Variants in DOP1A observed in about 807,000 individuals in gnomAD.
DOP1A encodes the protein DOP1 leucine zipper like protein A, also known as protein DOP1A.
In DOP1A, 90 loss-of-function variants were observed where a neutral mutation model predicts 267.6. The ratio of observed to expected loss-of-function variants is 0.34; its 90% confidence interval spans 0.28 to 0.40. DOP1A has a LOEUF of 0.40. DOP1A is among the 10% of genes least tolerant of loss of function. The pLI is 1.00. For synonymous variants in DOP1A, 932 were observed against 999.1 expected, an observed-to-expected ratio of 0.93 and a Z score of 1.27; for missense variants, 2,437 against 2,900.4, an observed-to-expected ratio of 0.84 and a Z score of 3.67.
rs2128372810 is a variant in DOP1A, at chr6:83,156,459, C to A, written c.6604+356C>A. Among the ~76,000 whole-genome samples the A allele has an allele frequency of 2.0e-5, 3 of 152,236 alleles. No individual in the cohort carries two copies. In the South Asian group the frequency reaches 6.2e-4, roughly 32 times the overall value. On this transcript the variant is annotated intron_variant, in intron 34 of 38. Coordinates refer to ENST00000349129, the MANE Select transcript of DOP1A (RefSeq NM_015018.4). ...GAGAAGACCAAAATATAAGGCAAAG[C>A]CAGGAAATTGTGGCTAGAAGTAACA...
At chr6:83,124,464 A>G (rs1562326007) in intron 12 of DOP1A, among the ~76,000 whole-genome samples, 1 of 152,178 alleles carries the variant, frequency 6.6e-6, no homozygotes, top group Non-Finnish European at 1.5e-5. Flanking sequence ...AGTGAGATCC[A>G]TTCAGAACAC....
chr6:83,166,950 T>C (rs1007006858), intron 38 of DOP1A: 17 of 986,532 alleles, frequency 1.7e-5, no homozygotes, highest in Non-Finnish European at 1.9e-5. Context: ...TTCTTTAGTG[T>C]GGAATTGTAT....
intron 14 of DOP1A, 32 bp downstream of exon 14, chr6:83,125,227 G>T (rs549864771): frequency 2.6e-6 from 4 of 1,547,592 alleles, no homozygotes; most frequent in East Asian, 2.3e-5. Context: ...GTTTTTAAAT[G>T]ATTCTATTTA....
intron 7 of DOP1A, among the ~76,000 whole-genome samples, chr6:83,115,275 C>T (rs1003320144): frequency 1.4e-4 from 21 of 152,078 alleles, no homozygotes; most frequent in Non-Finnish European, 2.4e-4. Context: ...TTTTAATGGA[C>T]ATGAATTGTA....
At chr6:83,143,464 G>A (rs556932932) in intron 24 of DOP1A, among the ~76,000 whole-genome samples, 18 of 152,118 alleles carry the variant, frequency 1.2e-4, no homozygotes, top group Non-Finnish European at 1.3e-4. Flanking sequence ...AGTCTCTAAT[G>A]TGATAGACAG....
At chr6:83,135,192 C>G (rs1427083603) in intron 19 of DOP1A, among the ~76,000 whole-genome samples, 2 of 152,050 alleles carry the variant, frequency 1.3e-5, no homozygotes, top group African/African-American at 4.8e-5. Context: ...TTCCACAGAT[C>G]TTTCCTTGAA....
chr6:83,073,721 G>T lies in DOP1A; in HGVS notation c.-147+5942G>T, dbSNP rs144200601. On this transcript the variant is annotated intron_variant, in intron 1 of 38. Transcript: ENST00000349129. The stretch of plus-strand genomic sequence containing the variant: ...TTATTTGGCTTGAGTTTCTTATGAG[G>T]TTGCAGTCTGATTGCAGTTGGAGAA... 9.2e-4 allele frequency among the ~76,000 whole-genome samples: 140 copies of T among 152,300 alleles called. 1 individual carries two copies. The highest frequency in any genetic ancestry group is 3.2e-3 in the African/African-American group (133 of 41,558).
chr6:83,168,673 A>G, downstream of DOP1A: 1 of 995,128 alleles, frequency 1.0e-6, no homozygotes, highest in African/African-American at 1.7e-5. Context: ...AAAGTATTGC[A>G]TGAGCATCTC....
intron 12 of DOP1A, among the ~76,000 whole-genome samples, chr6:83,123,394 TGGGAAGTGATAA>T (rs1481104060): frequency 6.6e-6 from 1 of 152,034 alleles, no homozygotes; most frequent in Admixed American, 6.6e-5. Flanking sequence ...ATGCTGTCAC[TGGGAAGTGATAA>T]AAGCCTTCTA....
intron 1 of DOP1A, chr6:83,073,087 TTTTC>T (rs1785887859): frequency 4.3e-6 from 1 of 230,886 alleles, no homozygotes. Context: ...TTTTTTTCCT[TTTTC>T]TTTTTTTTTG....
chr6:83,157,300 T>C lies in DOP1A; in HGVS notation c.6723T>C (p.Pro2241=), dbSNP rs1178957583. The C allele has an allele frequency of 6.2e-7, 1 of 1,613,538 alleles. No homozygotes were observed. Among genetic ancestry groups the C allele is most frequent in the South Asian group, 1.1e-5 (1 of 90,866 alleles). ...MSPQHLTSLW[P]TMITELVQVF... ...CCCAACATCTTACCTCACTCTGGCC[T>C]ACCATGATTACAGAACTTGTGAGTT... The change falls in exon 35 of 39, where the codon CCT becomes CCC. Residue 2241 remains proline, a synonymous_variant. Transcript: ENST00000349129.
intron 30 of DOP1A, among the ~76,000 whole-genome samples, chr6:83,152,991 A>G (rs913167491): frequency 6.6e-6 from 1 of 152,072 alleles, no homozygotes; most frequent in African/African-American, 2.4e-5. Context: ...TTTCATGTAC[A>G]TTGTCTGACA....
At chr6:83,165,696 A>G in intron 38 of DOP1A, 1 of 224,144 alleles carries the variant, frequency 4.5e-6, no homozygotes, top group Non-Finnish European at 9.4e-6. Context: ...GTTTGTTGGC[A>G]AGAGGTCAGG....
At chr6:83,170,375 A>G, downstream of DOP1A, 1 of 1,614,164 alleles carries the variant, frequency 6.2e-7, no homozygotes, top group Non-Finnish European at 8.5e-7. Context: ...AGCTCGAGAA[A>G]GCTTGTACTT....
At chr6:83,155,799 C>A in intron 33 of DOP1A, 152 bp from the exon 34 acceptor site, 2 of 835,510 alleles carry the variant, frequency 2.4e-6, no homozygotes, top group Non-Finnish European at 3.6e-6. Flanking sequence ...GATCTGTTTG[C>A]CAGCCTGTCT....
At position 83,120,091 on chromosome 6, in the gene DOP1A, T is replaced by C. The variant is rs767186623; in HGVS notation, c.990+234T>C. 2.6e-4 allele frequency among the ~76,000 whole-genome samples: 40 copies of C among 152,022 alleles called. 1 individual carries two copies. Among genetic ancestry groups the C allele is most frequent in the Admixed American group, 2.6e-4 (4 of 15,264 alleles). On this transcript the variant is annotated intron_variant, in intron 9 of 38. Transcript: ENST00000349129. ...TCTTACTTTGTTGTTTTCATTACTT[T>C]ATTAAAACATAGTTGTAGCTTCTCA...
At position 83,168,250 on chromosome 6, in the gene DOP1A, C is replaced by A; in HGVS notation, c.*83C>A. 1 of 1,476,296 alleles carries A rather than the reference C, an allele frequency of 6.8e-7. No individual in the cohort carries two copies. Among genetic ancestry groups the A allele is most frequent in the East Asian group, 2.4e-5 (1 of 41,260 alleles). The allele number at this position is 1,476,296 out of a possible 1,614,324, so 91.4% of individuals were successfully genotyped here. On this transcript the variant is annotated 3_prime_UTR_variant, in exon 39 of 39. Transcript: ENST00000349129. ...ACTGCTCTGCGTTGTATAGTTTTTCCTTTTTTGTATGTAACAGAACACATT... is the reference window on the plus strand; with the variant it reads ...ACTGCTCTGCGTTGTATAGTTTTTCATTTTTTGTATGTAACAGAACACATT...
At chr6:83,078,002 T>C (rs1357561669) in intron 1 of DOP1A, among the ~76,000 whole-genome samples, 1 of 152,204 alleles carries the variant, frequency 6.6e-6, no homozygotes, top group Non-Finnish European at 1.5e-5. Flanking sequence ...ATTTAAAAAT[T>C]AGGTCAAAGG....
At chr6:83,083,332 A>G (rs1768480742) in intron 1 of DOP1A, among the ~76,000 whole-genome samples, 1 of 151,926 alleles carries the variant, frequency 6.6e-6, no homozygotes, top group Non-Finnish European at 1.5e-5. Context: ...TAAGAAAGAA[A>G]TCTATATAGC....
Sources: allele counts gnomAD v4.1 joint callset (sites outside exome capture counted in the v4.1 genomes callset), GRCh38; gene constraint gnomAD v4.1.1; transcripts MANE v1.5; gene names NCBI Gene and HGNC (gene_info 2026-07-23, HGNC 2026-07-21).